The following CNTN6 variants were observed in gnomAD, a reference collection of about 807,000 sequenced individuals.
CNTN6 encodes the protein contactin 6, also known as contactin-6.
CNTN6 carries 137 observed loss-of-function variants against 122.8 expected under a neutral mutation model. The observed-to-expected ratio is 1.12, with a 90% CI of 0.97 to 1.29. The LOEUF is 1.29. Ranked by LOEUF, CNTN6 falls within the 50% of genes most tolerant of loss-of-function variation. The pLI, the probability that CNTN6 is intolerant of heterozygous loss-of-function variation, is 0.00. For synonymous variants in CNTN6, 570 were observed against 426.0 expected (o/e 1.34, Z -4.16); for missense variants, 1,634 against 1,223.4 (o/e 1.34, Z -5.01).
At position 1,278,423 on chromosome 3, in the gene CNTN6, C is replaced by T. The variant is rs1232928465; in HGVS notation, c.369C>T (p.Asp123=). 1 of 1,603,750 alleles carries T rather than the reference C, an allele frequency of 6.2e-7. No individual in the cohort carries two copies. Among genetic ancestry groups the T allele is most frequent in the South Asian group, 1.1e-5 (1 of 89,808 alleles). Residue 123 remains aspartate, a synonymous_variant, in exon 5 of 23, where the codon GAC becomes GAT. Transcript: ENST00000446702. ...KAKLQFAYIE[D]FETKTRSTVS... is the part of the protein sequence containing the mutation. ...TCTTTGTTTTCCAAGATATTGAAGACTTTGAAACTAAAACAAGAAGCACAG... is the reference window on the plus strand; with the variant it reads ...TCTTTGTTTTCCAAGATATTGAAGATTTTGAAACTAAAACAAGAAGCACAG...
chr3:1,374,860 A>C (rs567784317), intron 16 of CNTN6, among the ~76,000 whole-genome samples: 1 of 152,116 alleles, frequency 6.6e-6, no homozygotes, highest in African/African-American at 2.4e-5. Flanking sequence ...AGATAATGTT[A>C]TATGTTTATC....
chr3:1,280,720 C>T (rs1015955752), intron 5 of CNTN6, among the ~76,000 whole-genome samples: 2 of 151,964 alleles, frequency 1.3e-5, no homozygotes, highest in Non-Finnish European at 2.9e-5. Flanking sequence ...CCACCTCGGC[C>T]TCCCAAAGTG....
chr3:1,192,773 C>A (rs780410938), intron 2 of CNTN6, among the ~76,000 whole-genome samples: 6 of 152,030 alleles, frequency 3.9e-5, no homozygotes, highest in Non-Finnish European at 7.4e-5. Flanking sequence ...CTTAAAACTG[C>A]CCTTGAATAT....
chr3:1,138,428 G>A (rs1427964388), intron 1 of CNTN6, among the ~76,000 whole-genome samples: 3 of 151,672 alleles, frequency 2.0e-5, no homozygotes, highest in Non-Finnish European at 4.4e-5. Flanking sequence ...ATTTAAGCAG[G>A]TCATTTTTAA....
At chr3:1,264,390 T>A (rs1434061069) in intron 4 of CNTN6, among the ~76,000 whole-genome samples, 1 of 152,142 alleles carries the variant, frequency 6.6e-6, no homozygotes, top group African/African-American at 2.4e-5. Context: ...ATGCAAGCAG[T>A]TCACCTCTTT....
chr3:1,379,491 G>A (rs778576984), intron 17 of CNTN6, among the ~76,000 whole-genome samples: 2 of 152,014 alleles, frequency 1.3e-5, no homozygotes, highest in East Asian at 3.9e-4. Context: ...CCTGGGTGAC[G>A]GGATCCATCA....
At chr3:1,379,201 T>G (rs561994473) in intron 17 of CNTN6, among the ~76,000 whole-genome samples, 19 of 152,270 alleles carry the variant, frequency 1.2e-4, no homozygotes, top group African/African-American at 2.6e-4. Flanking sequence ...ATACTGTCTT[T>G]CCACGATTTA....
chr3:1,256,750 A>G (rs376325563), intron 4 of CNTN6, among the ~76,000 whole-genome samples: 3 of 152,158 alleles, frequency 2.0e-5, no homozygotes, highest in Admixed American at 6.6e-5. Context: ...AAATGGCTAC[A>G]TATCATCTGA....
intron 2 of CNTN6, among the ~76,000 whole-genome samples, chr3:1,211,303 A>G (rs2094034014): frequency 6.6e-6 from 1 of 152,178 alleles, no homozygotes; most frequent in Non-Finnish European, 1.5e-5. Flanking sequence ...AATGTGATTC[A>G]GGTAGAACCA....
At position 1,102,911 on chromosome 3, in the gene CNTN6, T is replaced by C. The variant is rs952896222; in HGVS notation, c.-83+9791T>C. On this transcript the variant is annotated intron_variant, in intron 1 of 22. Coordinates refer to ENST00000446702, the MANE Select transcript of CNTN6 (RefSeq NM_001289080.2). Reference sequence around the variant, plus strand: ...TCACGAGATCAGGAGATCGAGACCATCCTGGCTAACACGGTGAAACCCCGT... The same window carrying C: ...TCACGAGATCAGGAGATCGAGACCACCCTGGCTAACACGGTGAAACCCCGT... 7.3e-5 allele frequency among the ~76,000 whole-genome samples: 11 copies of C among 150,320 alleles called. No individual in the cohort carries two copies. The East Asian group carries it at 9.9e-4, about 14-fold the overall frequency.
At chr3:1,269,666 C>A (rs2125747388) in intron 4 of CNTN6, among the ~76,000 whole-genome samples, 1 of 152,174 alleles carries the variant, frequency 6.6e-6, no homozygotes, top group Non-Finnish European at 1.5e-5. Context: ...AGACCAATTA[C>A]CTAATTGATA....
rs1692146750 is a variant in CNTN6, at chr3:1,382,969, G to A, written c.2194G>A (p.Glu732Lys). ...AATTCCAGAAGAACTGCAGAATGGGGAGGGATTTGGATATATCATCATGTT... is the reference window on the plus strand; with the variant it reads ...AATTCCAGAAGAACTGCAGAATGGGAAGGGATTTGGATATATCATCATGTT... ...ESIPEELQNG[E>K]GFGYIIMFRP... The change falls in exon 18 of 23, where the codon GAG becomes AAG. Residue 732 changes from glutamate to lysine, a missense_variant. By Grantham distance (56) the Glu-to-Lys change is moderately conservative (BLOSUM62 1). Coordinates refer to ENST00000446702, the MANE Select transcript of CNTN6 (RefSeq NM_001289080.2). The A allele has an allele frequency of 6.2e-7, 1 of 1,613,962 alleles. No individual in the cohort carries two copies. Among genetic ancestry groups the A allele is most frequent in the South Asian group, 1.1e-5 (1 of 91,082 alleles).
chr3:1,324,150 T>G (rs1458466429), intron 8 of CNTN6, among the ~76,000 whole-genome samples: 3 of 149,564 alleles, frequency 2.0e-5, no homozygotes, highest in Admixed American at 2.0e-4. Context: ...AGGAAGCACA[T>G]TCTGTAACTG....
chr3:1,147,799 C>A (rs2092753516), intron 1 of CNTN6, 128 bp from the exon 2 acceptor site: 2 of 410,618 alleles, frequency 4.9e-6, no homozygotes, highest in African/African-American at 4.0e-5. Context: ...TAGAAAGCAT[C>A]CATTTAGGTT....
At chr3:1,124,639 A>C (rs1407165605) in intron 1 of CNTN6, among the ~76,000 whole-genome samples, 1 of 151,848 alleles carries the variant, frequency 6.6e-6, no homozygotes, top group Non-Finnish European at 1.5e-5. Context: ...ATCCCTGCTA[A>C]AGAACTTATA....
At chr3:1,205,953 GAC>G (rs1247806438) in intron 2 of CNTN6, among the ~76,000 whole-genome samples, 1 of 152,080 alleles carries the variant, frequency 6.6e-6, no homozygotes, top group Non-Finnish European at 1.5e-5. Flanking sequence ...CATTTCATTG[GAC>G]ACAGTTTATT....
chr3:1,376,267 T>G (rs909667741), intron 16 of CNTN6, among the ~76,000 whole-genome samples: 1 of 152,116 alleles, frequency 6.6e-6, no homozygotes, highest in Non-Finnish European at 1.5e-5. Flanking sequence ...TTTTACAGTT[T>G]CTATGATCTA....
intron 16 of CNTN6, 114 bp downstream of exon 16, chr3:1,374,187 G>GT (rs1163716068): frequency 1.0e-6 from 1 of 1,000,006 alleles, no homozygotes; most frequent in East Asian, 2.8e-5. Flanking sequence ...TTGTTTGGCA[G>GT]TAAACGAGTG....
rs1166507455 is a variant in CNTN6, at chr3:1,233,734, C to CAAAAAAAAAA, written c.358+5756_358+5765dup. Reference sequence around the variant, plus strand: ...TGGGCAACAGAACGAGACTCTGTCTCAAAAAAAAAAAAAAAAAAAAAAAAG... The same window carrying CAAAAAAAAAA: ...TGGGCAACAGAACGAGACTCTGTCTCAAAAAAAAAAAAAAAAAAAAAAAAAAAAAAAAAAG... On this transcript the variant is annotated intron_variant, in intron 4 of 22. Coordinates refer to ENST00000446702, the MANE Select transcript of CNTN6 (RefSeq NM_001289080.2). Among the ~76,000 whole-genome samples the CAAAAAAAAAA allele has an allele frequency of 7.7e-3, 404 of 52,144 alleles. 33 individuals are homozygous for CAAAAAAAAAA. The highest frequency in any genetic ancestry group is 0.033 in the African/African-American group (381 of 11,580). 34.2% of individuals were successfully genotyped at this position (52,144 alleles called of 152,430 possible). A position where few individuals can be genotyped will look rare whatever the true frequency, so the allele number is the denominator to read the frequency against.
Sources: gnomAD v4.1 joint callset for allele counts (sites outside exome capture counted in the v4.1 genomes callset) on GRCh38, gnomAD v4.1.1 for gene constraint, MANE v1.5 for transcripts, NCBI Gene and HGNC (gene_info 2026-07-23, HGNC 2026-07-21) for gene names.